The following ERC2 variants were observed in gnomAD, a reference collection of about 807,000 sequenced individuals.
ERC2 encodes the protein ERC protein 2.
Under a neutral mutation model 114.8 loss-of-function variants are expected in ERC2, and 42 were observed. The observed-to-expected ratio is 0.37, with a 90% CI of 0.29 to 0.47. The LOEUF (loss-of-function observed/expected upper bound fraction) is 0.47. Among genes scored for constraint, ERC2 ranks in the 20% least tolerant of loss-of-function variants. ERC2 has a pLI of 0.99. For missense variants in ERC2, 939 were observed against 1,150.7 expected (o/e 0.82, Z 2.66); for synonymous variants, 454 against 425.5 (o/e 1.07, Z -0.82).
At chr3:56,090,183 A>G (rs1450560424) in intron 6 of ERC2, among the ~76,000 whole-genome samples, 6 of 152,216 alleles carry the variant, frequency 3.9e-5, no homozygotes, top group African/African-American at 7.2e-5. Context: ...TGCCTTTCAG[A>G]AAAAAATGTC....
chr3:56,055,002 T>C (rs996335588), intron 7 of ERC2, among the ~76,000 whole-genome samples: 1 of 152,206 alleles, frequency 6.6e-6, no homozygotes, highest in Admixed American at 6.5e-5. Context: ...ATTGCAACAC[T>C]GAGGCTCGGA....
At chr3:55,830,910 CT>C (rs1642128064) in intron 14 of ERC2, among the ~76,000 whole-genome samples, 1 of 152,136 alleles carries the variant, frequency 6.6e-6, no homozygotes, top group Non-Finnish European at 1.5e-5. Context: ...CACCACTGAA[CT>C]CCAGTCTGAG....
intron 17 of ERC2, among the ~76,000 whole-genome samples, chr3:55,616,656 C>T (rs955571572): frequency 3.4e-5 from 5 of 148,912 alleles, no homozygotes; most frequent in Non-Finnish European, 7.4e-5. Flanking sequence ...AAGTGCCAGG[C>T]ACTATGTTAA....
At chr3:56,120,955 C>T (rs2079540210) in intron 6 of ERC2, among the ~76,000 whole-genome samples, 1 of 152,054 alleles carries the variant, frequency 6.6e-6, no homozygotes, top group Non-Finnish European at 1.5e-5. Context: ...TGCTTCAGTT[C>T]CTGGAGGTAA....
chr3:55,624,500 G>A (rs941888138), intron 17 of ERC2, among the ~76,000 whole-genome samples: 1 of 152,216 alleles, frequency 6.6e-6, no homozygotes, highest in African/African-American at 2.4e-5. Context: ...TGAGAGGACA[G>A]AGAGGAAGTG....
intron 15 of ERC2, among the ~76,000 whole-genome samples, chr3:55,731,401 T>C (rs1182605025): frequency 6.6e-6 from 1 of 152,226 alleles, no homozygotes; most frequent in Non-Finnish European, 1.5e-5. Flanking sequence ...TAATAGTAGT[T>C]GCAATAGCAG....
At chr3:56,168,641 AAGT>A (rs2082450440) in intron 4 of ERC2, among the ~76,000 whole-genome samples, 1 of 152,152 alleles carries the variant, frequency 6.6e-6, no homozygotes, top group South Asian at 2.1e-4. Flanking sequence ...TAAAGTTGCG[AAGT>A]AGTAGTTCTT....
intron 6 of ERC2, among the ~76,000 whole-genome samples, chr3:56,108,483 T>C (rs1052455722): frequency 4.6e-5 from 7 of 152,108 alleles, no homozygotes; most frequent in African/African-American, 1.7e-4. Flanking sequence ...AAAATAATGA[T>C]CTGAATACAA....
chr3:56,010,052 T>C (rs1454212903), intron 9 of ERC2, among the ~76,000 whole-genome samples: 1 of 152,138 alleles, frequency 6.6e-6, no homozygotes, highest in Non-Finnish European at 1.5e-5. Context: ...GCAAAGCACT[T>C]GACACAAGGA....
intron 17 of ERC2, among the ~76,000 whole-genome samples, chr3:55,612,526 C>T (rs2058949798): frequency 6.6e-6 from 1 of 152,198 alleles, no homozygotes; most frequent in South Asian, 2.1e-4. Flanking sequence ...TTATCAAGTA[C>T]TTATTCAGCA....
chr3:56,298,489 G>A (rs955013861), intron 2 of ERC2, among the ~76,000 whole-genome samples: 3 of 151,952 alleles, frequency 2.0e-5, no homozygotes, highest in African/African-American at 7.3e-5. Flanking sequence ...ACTGGTGAAT[G>A]GATGAAATCT....
intron 12 of ERC2, among the ~76,000 whole-genome samples, chr3:55,962,408 T>C (rs2068450213): frequency 6.6e-6 from 1 of 152,236 alleles, no homozygotes; most frequent in South Asian, 2.1e-4. Context: ...CCACAGACAA[T>C]ATATACACTA....
intron 14 of ERC2, among the ~76,000 whole-genome samples, chr3:55,752,471 C>T (rs2148970717): frequency 6.6e-6 from 1 of 152,316 alleles, no homozygotes; most frequent in East Asian, 1.9e-4. Flanking sequence ...TACCAGCGCT[C>T]TATTGGCCTG....
intron 17 of ERC2, among the ~76,000 whole-genome samples, chr3:55,517,185 AACCTCAGC>A (rs2107172298): frequency 6.6e-6 from 1 of 152,314 alleles, no homozygotes; most frequent in Admixed American, 6.5e-5. Flanking sequence ...TCACGCCTGT[AACCTCAGC>A]ACTTCGGGAG....
chr3:56,013,669 G>A (rs1419149736), intron 8 of ERC2, among the ~76,000 whole-genome samples: 1 of 152,066 alleles, frequency 6.6e-6, no homozygotes, highest in African/African-American at 2.4e-5. Context: ...TTTTATTTCT[G>A]GGCAAATCAT....
At chr3:56,050,924 A>C (rs1212581305) in intron 7 of ERC2, among the ~76,000 whole-genome samples, 1 of 152,214 alleles carries the variant, frequency 6.6e-6, no homozygotes, top group African/African-American at 2.4e-5. Context: ...GGTAGGCAGA[A>C]GCAGCTCTGG....
At chr3:56,243,944 T>C (rs1393700590) in intron 3 of ERC2, among the ~76,000 whole-genome samples, 2 of 152,196 alleles carry the variant, frequency 1.3e-5, no homozygotes, top group African/African-American at 4.8e-5. Flanking sequence ...AGGAACATGG[T>C]GGAAGACAAG....
chr3:55,548,355 C>T (rs927965929), intron 17 of ERC2, among the ~76,000 whole-genome samples: 1 of 152,238 alleles, frequency 6.6e-6, no homozygotes, highest in African/African-American at 2.4e-5. Context: ...AATTACTCTA[C>T]TAATTGACTA....
chr3:55,699,392 G>A lies in ERC2; in HGVS notation c.2833C>T (p.Pro945Ser). ...ATGAAACTGACCTGGTCCGGAGAGGGCCTGTGATTGGAATGTTGCGACCTC... is the reference window on the plus strand; with the variant it reads ...ATGAAACTGACCTGGTCCGGAGAGGACCTGTGATTGGAATGTTGCGACCTC... ...PGRSQHSNHR[P>S]SPDQDDEEGI... Residue 945 changes from proline to serine, a missense_variant, in exon 16 of 18, where the codon CCC becomes TCC. Transcript: ENST00000288221. 1 of 1,613,800 alleles carries A rather than the reference G, an allele frequency of 6.2e-7. No homozygotes were observed. Among genetic ancestry groups the A allele is most frequent in the Non-Finnish European group, 8.5e-7 (1 of 1,179,820 alleles).
Sources: gnomAD v4.1 joint callset for allele counts (sites outside exome capture counted in the v4.1 genomes callset) on GRCh38, gnomAD v4.1.1 for gene constraint, MANE v1.5 for transcripts, NCBI Gene and HGNC (gene_info 2026-07-23, HGNC 2026-07-21) for gene names.